The following LSAMP variants were observed in gnomAD, a reference collection of about 807,000 sequenced individuals.
LSAMP encodes limbic system-associated membrane protein.
Under a neutral mutation model 38.6 loss-of-function variants are expected in LSAMP, and 7 were observed. The observed-to-expected ratio is 0.18, with a 90% CI of 0.10 to 0.34. The LOEUF (loss-of-function observed/expected upper bound fraction) is 0.34, where lower values mean the gene tolerates loss of function less well. LSAMP is among the 10% of genes least tolerant of loss of function. LSAMP has a pLI of 1.00. For missense variants in LSAMP, 313 were observed against 420.0 expected, an observed-to-expected ratio of 0.75 and a Z score of 2.23; for synonymous variants, 154 against 166.8, an observed-to-expected ratio of 0.92 and a Z score of 0.59.
At chr3:116,445,483 ACAGCAGCAG>A (rs889366161) in exon 1 of LSAMP, 4 of 415,366 alleles carry the variant, frequency 9.6e-6, no homozygotes, top group Non-Finnish European at 1.7e-5. Context: ...AAACAGCCAC[ACAGCAGCAG>A]CAGCAGCAGA....
chr3:115,942,712 G>A lies in LSAMP; in HGVS notation c.514+76803C>T, dbSNP rs533352541. Among the ~76,000 whole-genome samples, 38 of 152,104 alleles carry A rather than the reference G, an allele frequency of 2.5e-4. No individual in the cohort carries two copies. The South Asian group carries it at 5.0e-3, about 20-fold the overall frequency. On this transcript the variant is annotated intron_variant, in intron 3 of 6. Transcript: ENST00000490035. Reference sequence around the variant, plus strand: ...GTCACATCCTTAGAGATTCTGATTCGGTAAATCTATGGGAAAGCCTAGGAA... The same window carrying A: ...GTCACATCCTTAGAGATTCTGATTCAGTAAATCTATGGGAAAGCCTAGGAA...
intron 1 of LSAMP, among the ~76,000 whole-genome samples, chr3:116,338,551 T>C (rs1559833167): frequency 1.3e-5 from 2 of 152,060 alleles, no homozygotes; most frequent in Admixed American, 6.6e-5. Context: ...ATCTTTATTC[T>C]TTTATTTTCA....
In LSAMP at chr3:116,445,236, C is replaced by T; in HGVS notation, c.-205G>A. On this transcript the variant is annotated 5_prime_UTR_variant, in exon 1 of 7. Transcript: ENST00000490035. ...GACTTAACAAAGCCCTCATAAAACC[C>T]AAGCAGAAGGGTGAAAAGTAAAAGC... is the stretch of plus-strand genomic sequence containing the variant. 1.7e-6 allele frequency: 1 copy of T among 594,928 alleles called. No individual in the cohort carries two copies. The allele number at this position is 594,928 out of a possible 1,614,324, so 36.9% of individuals were successfully genotyped here.
intron 1 of LSAMP, among the ~76,000 whole-genome samples, chr3:116,179,325 AT>A (rs748098086): frequency 1.3e-5 from 2 of 152,024 alleles, no homozygotes; most frequent in East Asian, 3.9e-4. Context: ...GGACCACATA[AT>A]TTCTGTACTC....
intron 3 of LSAMP, among the ~76,000 whole-genome samples, chr3:115,953,985 C>G (rs1292741933): frequency 6.6e-6 from 1 of 152,102 alleles, no homozygotes; most frequent in African/African-American, 2.4e-5. Flanking sequence ...AGCAAATGCC[C>G]CTGCACTCTT....
chr3:116,422,665 T>C (rs2049143357), intron 1 of LSAMP, among the ~76,000 whole-genome samples: 2 of 152,230 alleles, frequency 1.3e-5, no homozygotes, highest in African/African-American at 4.8e-5. Flanking sequence ...TAGATTGTGA[T>C]GATGGCTGCA....
chr3:116,079,077 C>T (rs1707814237), intron 2 of LSAMP, among the ~76,000 whole-genome samples: 1 of 152,144 alleles, frequency 6.6e-6, no homozygotes. Context: ...TCCAACATCA[C>T]AAGGTTCATT....
chr3:115,847,773 C>CA (rs1935207861), intron 4 of LSAMP, among the ~76,000 whole-genome samples: 2 of 152,318 alleles, frequency 1.3e-5, no homozygotes, highest in South Asian at 4.1e-4. Flanking sequence ...GAGGCCTCCC[C>CA]AGCCATGTGG....
At chr3:116,334,116 A>G (rs1166404285) in intron 1 of LSAMP, among the ~76,000 whole-genome samples, 1 of 152,046 alleles carries the variant, frequency 6.6e-6, no homozygotes, top group Non-Finnish European at 1.5e-5. Context: ...ACTATTAACA[A>G]TCAGATGCCA....
intron 1 of LSAMP, among the ~76,000 whole-genome samples, chr3:116,386,047 T>C (rs1460391575): frequency 2.0e-5 from 3 of 152,116 alleles, no homozygotes; most frequent in Non-Finnish European, 4.4e-5. Flanking sequence ...GGGAAATTCT[T>C]ACTATTATAA....
rs933732497 is a variant in LSAMP, at chr3:116,306,631, AAGATTTTGCTGTCC to A, written c.155+138232_155+138245del. Among the ~76,000 whole-genome samples the A allele has an allele frequency of 8.5e-5, 13 of 152,148 alleles. No homozygotes were observed. The East Asian group carries it at 2.1e-3, about 25-fold the overall frequency. On this transcript the variant is annotated intron_variant, in intron 1 of 6. Transcript: ENST00000490035. ...TGGGCTTAGTGGAATAAACGTCCAC[AAGATTTTGCTGTCC>A]AGATTCCACAGCTGCAGGGAAAAGA... is the stretch of plus-strand genomic sequence containing the variant.
At chr3:115,889,722 A>G (rs1368110841) in intron 3 of LSAMP, among the ~76,000 whole-genome samples, 1 of 151,890 alleles carries the variant, frequency 6.6e-6, no homozygotes, top group African/African-American at 2.4e-5. Context: ...CCTCTTTACT[A>G]TATCTGAATT....
intron 6 of LSAMP, among the ~76,000 whole-genome samples, chr3:115,818,819 T>TATATATATATATATATATATATATAA: frequency 7.9e-6 from 1 of 126,648 alleles, no homozygotes; most frequent in Non-Finnish European, 1.7e-5. Flanking sequence ...TATATATATA[T>TATATATATATATATATATATATATAA]ATAACTGCAG....
At chr3:116,212,551 A>T (rs1297963040) in intron 1 of LSAMP, among the ~76,000 whole-genome samples, 2 of 103,886 alleles carry the variant, frequency 1.9e-5, no homozygotes, top group African/African-American at 5.6e-5. Context: ...AGATAAAATA[A>T]AACTTCAAAA....
chr3:115,865,935 C>T (rs1261967515), intron 3 of LSAMP, among the ~76,000 whole-genome samples: 1 of 152,142 alleles, frequency 6.6e-6, no homozygotes. Flanking sequence ...CAACATTCTG[C>T]CTTGAGCTCA....
At chr3:116,321,284 G>C (rs754387648) in intron 1 of LSAMP, among the ~76,000 whole-genome samples, 69 of 152,026 alleles carry the variant, frequency 4.5e-4, no homozygotes, top group Admixed American at 3.9e-4. Flanking sequence ...AATGTGGGAG[G>C]ATTGCTTTAG....
Position 116,276,620 on chromosome 3 carries a change from A to G in LSAMP, c.155+168257T>C, listed in dbSNP as rs1452156493. On this transcript the variant is annotated intron_variant, in intron 1 of 6. Coordinates refer to ENST00000490035, the MANE Select transcript of LSAMP (RefSeq NM_002338.5). ...TGCACCAAAATCTCACACATCACCA[A>G]TTAAGTACTTACATAACCAAATACC... 2.0e-5 allele frequency among the ~76,000 whole-genome samples: 3 copies of G among 151,864 alleles called. No individual in the cohort carries two copies. In the South Asian group the frequency reaches 6.3e-4, roughly 32 times the overall value.
intron 1 of LSAMP, among the ~76,000 whole-genome samples, chr3:116,302,912 T>C (rs1298799905): frequency 6.6e-6 from 1 of 152,208 alleles, no homozygotes; most frequent in Non-Finnish European, 1.5e-5. Context: ...GTTAGTCATA[T>C]ACATTTTTGT....
At chr3:116,053,590 C>A (rs544088651) in intron 2 of LSAMP, among the ~76,000 whole-genome samples, 1 of 152,262 alleles carries the variant, frequency 6.6e-6, no homozygotes, top group South Asian at 2.1e-4. Context: ...CTAAGGAATG[C>A]TTTGGGCACA....
Sources: allele counts gnomAD v4.1 joint callset (sites outside exome capture counted in the v4.1 genomes callset), GRCh38; gene constraint gnomAD v4.1.1; transcripts MANE v1.5; gene names NCBI Gene and HGNC (gene_info 2026-07-23, HGNC 2026-07-21).